The following SPEF2 variants were observed in gnomAD, a reference collection of about 807,000 sequenced individuals.
SPEF2 encodes sperm flagellar and cilia associated 2.
Under a neutral mutation model 224.6 loss-of-function variants are expected in SPEF2, and 187 were observed. The ratio of observed to expected loss-of-function variants is 0.83; its 90% CI spans 0.74 to 0.94. SPEF2 has a LOEUF of 0.94. SPEF2 is among the 40% of genes least tolerant of loss of function. The pLI, the probability that SPEF2 is intolerant of heterozygous loss-of-function variation, is 0.00. For synonymous variants in SPEF2, 715 were observed against 707.3 expected (o/e 1.01, Z -0.17); for missense variants, 2,170 against 2,135.6 (o/e 1.02, Z -0.32).
At chr5:35,774,562 A>T (rs990293589) in intron 28 of SPEF2, among the ~76,000 whole-genome samples, 1 of 152,036 alleles carries the variant, frequency 6.6e-6, no homozygotes, top group Non-Finnish European at 1.5e-5. Context: ...AGGAGCTATG[A>T]CTCCACAAAA....
At chr5:35,619,799 CATAAA>C (rs1356960217) in intron 1 of SPEF2, among the ~76,000 whole-genome samples, 2 of 152,092 alleles carry the variant, frequency 1.3e-5, no homozygotes, top group Non-Finnish European at 2.9e-5. Context: ...AATAAAGATA[CATAAA>C]ATAAAAACAG....
At chr5:35,694,393 T>A (rs905881268) in intron 13 of SPEF2, 30 bp downstream of exon 13, 1 of 1,564,314 alleles carries the variant, frequency 6.4e-7, no homozygotes, top group African/African-American at 1.4e-5. Context: ...CATCTATTAT[T>A]TACATTAGAG....
At chr5:35,771,406 G>A (rs550656117) in intron 26 of SPEF2, among the ~76,000 whole-genome samples, 3 of 152,298 alleles carry the variant, frequency 2.0e-5, no homozygotes, top group South Asian at 2.1e-4. Flanking sequence ...CATAGATGGT[G>A]GAAGGGAAGC....
intron 30 of SPEF2, chr5:35,787,822 GAA>G: frequency 1.8e-6 from 1 of 549,114 alleles, no homozygotes; most frequent in Non-Finnish European, 3.2e-6. Flanking sequence ...ACTGAGGGTA[GAA>G]ATTGGGATTA....
chr5:35,798,274 G>A (rs1162672022), intron 33 of SPEF2, among the ~76,000 whole-genome samples: 2 of 151,740 alleles, frequency 1.3e-5, no homozygotes, highest in Non-Finnish European at 2.9e-5. Flanking sequence ...GTCCAACCAG[G>A]CCTTGTGCAT....
chr5:35,760,522 T>C (rs897900611), intron 25 of SPEF2, among the ~76,000 whole-genome samples: 1 of 152,232 alleles, frequency 6.6e-6, no homozygotes, highest in Non-Finnish European at 1.5e-5. Context: ...CTCAGTAGTA[T>C]GTGATAATGA....
chr5:35,664,278 G>GAA (rs10674710), intron 8 of SPEF2, among the ~76,000 whole-genome samples: 14,011 of 114,942 alleles, frequency 0.12, 1,058 homozygotes, highest in African/African-American at 0.22. Context: ...ATGAAATAAA[G>GAA]AAAAAAAAAA....
At chr5:35,792,539 G>T in intron 31 of SPEF2, 93 bp downstream of exon 31, 1 of 990,794 alleles carries the variant, frequency 1.0e-6, no homozygotes, top group Non-Finnish European at 1.5e-6. Flanking sequence ...CTTGCATAGT[G>T]TCTGACATTT....
chr5:35,642,573 C>T (rs1409901933), intron 3 of SPEF2, among the ~76,000 whole-genome samples: 1 of 152,150 alleles, frequency 6.6e-6, no homozygotes, highest in Non-Finnish European at 1.5e-5. Flanking sequence ...TACAATGCTT[C>T]AAATGTTGTA....
intron 21 of SPEF2, among the ~76,000 whole-genome samples, chr5:35,738,200 C>T (rs970578941): frequency 1.3e-5 from 2 of 151,992 alleles, no homozygotes; most frequent in East Asian, 1.9e-4. Flanking sequence ...TTTGCTCTGC[C>T]GAAGCTCTTT....
chr5:35,788,859 T>G lies in SPEF2; in HGVS notation c.4448-3481T>G, dbSNP rs1755560317. 2.0e-5 allele frequency: 14 copies of G among 702,970 alleles called. No homozygotes were observed. In the Middle Eastern group the frequency reaches 9.2e-4, roughly 46 times the overall value. 43.5% of individuals were successfully genotyped at this position (702,970 alleles called of 1,614,324 possible). On this transcript the variant is annotated intron_variant, in intron 30 of 36. Transcript: ENST00000356031. Reference sequence around the variant, plus strand: ...GACCTCCTTCACAGCATTTATCACTTTTATCACAATTCTCCTCTTCATAAG... The same window carrying G: ...GACCTCCTTCACAGCATTTATCACTGTTATCACAATTCTCCTCTTCATAAG...
chr5:35,654,288 A>T (rs1748650214), intron 6 of SPEF2, among the ~76,000 whole-genome samples: 1 of 152,082 alleles, frequency 6.6e-6, no homozygotes, highest in Non-Finnish European at 1.5e-5. Flanking sequence ...AAAGAATAAA[A>T]AGCTGATGGG....
chr5:35,663,034 T>C (rs1403426323), intron 8 of SPEF2, among the ~76,000 whole-genome samples: 1 of 152,192 alleles, frequency 6.6e-6, no homozygotes, highest in Non-Finnish European at 1.5e-5. Context: ...AGTATTTATT[T>C]GCTATTCCAT....
At chr5:35,678,706 G>C (rs1311950216) in intron 10 of SPEF2, 1 of 152,190 alleles carries the variant, frequency 6.6e-6, no homozygotes, top group Non-Finnish European at 1.5e-5. Context: ...TTCCGTGACA[G>C]CTCCTGGATG....
chr5:35,710,552 A>G, intron 19 of SPEF2: 5 of 982,328 alleles, frequency 5.1e-6, no homozygotes, highest in Middle Eastern at 5.2e-4. Flanking sequence ...GTGAAACTCT[A>G]CCTCCAAAAA....
At chr5:35,801,640 TG>T (rs1239725464) in intron 34 of SPEF2, among the ~76,000 whole-genome samples, 1 of 152,226 alleles carries the variant, frequency 6.6e-6, no homozygotes, top group African/African-American at 2.4e-5. Context: ...AAACTAACTC[TG>T]GATCTATGAT....
chr5:35,692,450 C>A, intron 11 of SPEF2, 120 bp from the exon 12 acceptor site: 1 of 720,070 alleles, frequency 1.4e-6, no homozygotes, highest in South Asian at 2.4e-5. Context: ...GAAACTTGAT[C>A]CAAAAGACTG....
chr5:35,770,760 G>T (rs1011516088), intron 26 of SPEF2, among the ~76,000 whole-genome samples: 5 of 152,124 alleles, frequency 3.3e-5, no homozygotes, highest in Non-Finnish European at 5.9e-5. Flanking sequence ...TGACCCCGTG[G>T]GTGGGAAAGG....
intron 21 of SPEF2, among the ~76,000 whole-genome samples, chr5:35,735,321 T>A (rs1746395133): frequency 6.6e-6 from 1 of 152,222 alleles, no homozygotes; most frequent in Non-Finnish European, 1.5e-5. Flanking sequence ...CCAGTCTTAC[T>A]CTCTCCTCAC....
Sources: allele counts gnomAD v4.1 joint callset (sites outside exome capture counted in the v4.1 genomes callset), GRCh38; gene constraint gnomAD v4.1.1; transcripts MANE v1.5; gene names NCBI Gene and HGNC (gene_info 2026-07-23, HGNC 2026-07-21).